The following RGS5 variants were observed in gnomAD, a reference collection of about 807,000 sequenced individuals.
RGS5 encodes the protein regulator of G protein signaling 5.
Under a neutral mutation model 18.9 loss-of-function variants are expected in RGS5, and 20 were observed. That is an observed-to-expected ratio of 1.06 (90% CI 0.74 to 1.54). RGS5 has a LOEUF of 1.54. RGS5 is among the 40% of genes most tolerant of loss of function. The probability of loss-of-function intolerance (pLI) is 0.00; values close to 1 mark genes in which losing one functional copy is unlikely to be tolerated. For synonymous variants in RGS5, 57 were observed against 76.2 expected (o/e 0.75, Z 1.31); for missense variants, 201 against 211.8 (o/e 0.95, Z 0.32).
Position 163,166,795 on chromosome 1 carries a change from C to T in RGS5, c.155+1463G>A, listed in dbSNP as rs1658073823. 3.3e-5 allele frequency among the ~76,000 whole-genome samples: 5 copies of T among 152,310 alleles called. No homozygotes were observed. The South Asian group carries it at 1.0e-3, about 32-fold the overall frequency. On this transcript the variant is annotated intron_variant, in intron 2 of 4. Transcript: ENST00000313961. The stretch of plus-strand genomic sequence containing the variant: ...CTCTCTGAATCCCTTTTAATCTCAA[C>T]AGTTTAAGGGTCTATGTGAATGTTA...
chr1:163,163,907 A>G (rs763496019), intron 2 of RGS5, among the ~76,000 whole-genome samples: 2 of 152,214 alleles, frequency 1.3e-5, no homozygotes, highest in Non-Finnish European at 2.9e-5. Context: ...AGTATAGAGG[A>G]GCAAAGGAAG....
intron 1 of RGS5, among the ~76,000 whole-genome samples, chr1:163,181,974 A>G (rs1179505188): frequency 6.6e-6 from 1 of 152,130 alleles, no homozygotes; most frequent in Admixed American, 6.6e-5. Flanking sequence ...TAACTCATAG[A>G]TATGTTGCGA....
At chr1:163,197,156 C>T (rs1215503627) in intron 1 of RGS5, among the ~76,000 whole-genome samples, 1 of 152,100 alleles carries the variant, frequency 6.6e-6, no homozygotes, top group Non-Finnish European at 1.5e-5. Context: ...GTTAGAAACT[C>T]AGCGGTTTCC....
Position 163,213,785 on chromosome 1 carries a change from C to G in RGS5, c.69+3741G>C, listed in dbSNP as rs184431803. The stretch of plus-strand genomic sequence containing the variant: ...CATCTGTATTCAGGGGAAAGCCCCC[C>G]TGAATCTCCCTTCAGTTGACATTTC... On this transcript the variant is annotated intron_variant, in intron 1 of 5. Transcript: ENST00000367903. Among the ~76,000 whole-genome samples the G allele has an allele frequency of 2.7e-3, 410 of 152,294 alleles. 2 individuals carry two copies. Among genetic ancestry groups the G allele is most frequent in the African/African-American group, 9.6e-3 (400 of 41,556 alleles).
intron 1 of RGS5, among the ~76,000 whole-genome samples, chr1:163,310,430 C>A (rs1413145344): frequency 6.6e-6 from 1 of 152,014 alleles, no homozygotes; most frequent in Non-Finnish European, 1.5e-5. Flanking sequence ...AAAAAATTAG[C>A]CGGGCGCAGT....
intron 2 of RGS5, among the ~76,000 whole-genome samples, chr1:163,228,588 A>T (rs867123631): frequency 1.3e-5 from 2 of 151,880 alleles, no homozygotes; most frequent in Non-Finnish European, 2.9e-5. Flanking sequence ...CCTTTTCCCC[A>T]TTGTCTTGGT....
chr1:163,275,256 C>T (rs1648823854), intron 2 of RGS5, among the ~76,000 whole-genome samples: 1 of 152,188 alleles, frequency 6.6e-6, no homozygotes, highest in African/African-American at 2.4e-5. Flanking sequence ...CCATTCCAGT[C>T]CCTGCTACCC....
intron 2 of RGS5, among the ~76,000 whole-genome samples, chr1:163,249,726 G>A (rs1316863328): frequency 6.6e-6 from 1 of 152,192 alleles, no homozygotes; most frequent in Non-Finnish European, 1.5e-5. Context: ...AGGAGGCAGA[G>A]GTTGCAGTGA....
intron 2 of RGS5, among the ~76,000 whole-genome samples, chr1:163,257,957 T>C (rs1648322100): frequency 6.6e-6 from 1 of 152,208 alleles, no homozygotes. Context: ...CTGATCCCTA[T>C]GGCACCTTAA....
chr1:163,261,833 A>C (rs928658854), intron 2 of RGS5, among the ~76,000 whole-genome samples: 1 of 152,174 alleles, frequency 6.6e-6, no homozygotes, highest in Non-Finnish European at 1.5e-5. Context: ...ATAATATTTC[A>C]AAATGTTATT....
intron 2 of RGS5, among the ~76,000 whole-genome samples, chr1:163,251,339 A>C (rs1648102260): frequency 6.6e-6 from 1 of 152,198 alleles, no homozygotes; most frequent in African/African-American, 2.4e-5. Flanking sequence ...CAAAGAAGAG[A>C]AGATATATTT....
At chr1:163,168,801 C>T (rs899446103) in intron 1 of RGS5, among the ~76,000 whole-genome samples, 2 of 152,032 alleles carry the variant, frequency 1.3e-5, no homozygotes, top group African/African-American at 4.8e-5. Flanking sequence ...GCCTACTAGT[C>T]TTCTGAGGGC....
At chr1:163,161,854 T>C in intron 3 of RGS5, 61 bp downstream of exon 3, 4 of 1,262,940 alleles carry the variant, frequency 3.2e-6, no homozygotes, top group South Asian at 1.2e-5. Context: ...AATACAAAGA[T>C]GTTTTTTGTT....
chr1:163,281,551 G>T (rs370777250), intron 2 of RGS5, among the ~76,000 whole-genome samples: 1 of 152,150 alleles, frequency 6.6e-6, no homozygotes, highest in African/African-American at 2.4e-5. Flanking sequence ...AAAAGGGATG[G>T]CACTAAGCCA....
At chr1:163,228,576 C>G (rs1647393352) in intron 2 of RGS5, among the ~76,000 whole-genome samples, 1 of 152,196 alleles carries the variant, frequency 6.6e-6, no homozygotes, top group Admixed American at 6.5e-5. Flanking sequence ...ACACCCTGGA[C>G]ACCTTTTCCC....
chr1:163,271,343 A>G (rs1329041297), intron 2 of RGS5, among the ~76,000 whole-genome samples: 1 of 152,126 alleles, frequency 6.6e-6, no homozygotes, highest in East Asian at 1.9e-4. Flanking sequence ...GATTTAGATG[A>G]TGTCATGAAG....
chr1:163,294,153 C>T (rs920620454), intron 2 of RGS5, among the ~76,000 whole-genome samples: 2 of 152,196 alleles, frequency 1.3e-5, no homozygotes, highest in Admixed American at 6.5e-5. Flanking sequence ...TAGGCAGTGC[C>T]CCAGTGGGGA....
chr1:163,214,776 C>T (rs1186037101), intron 1 of RGS5, among the ~76,000 whole-genome samples: 1 of 152,064 alleles, frequency 6.6e-6, no homozygotes, highest in Non-Finnish European at 1.5e-5. Flanking sequence ...TGGAATTGAG[C>T]TTTAAAAAGT....
chr1:163,199,550 GA>G (rs532791609), intron 1 of RGS5, among the ~76,000 whole-genome samples: 4 of 151,796 alleles, frequency 2.6e-5, no homozygotes, highest in Admixed American at 2.0e-4. Context: ...TAATCTTATG[GA>G]AAAAAACTTC....
Sources: allele counts gnomAD v4.1 joint callset (sites outside exome capture counted in the v4.1 genomes callset), GRCh38; gene constraint gnomAD v4.1.1; transcripts MANE v1.5; gene names NCBI Gene and HGNC (gene_info 2026-07-23, HGNC 2026-07-21).